Variants in PPIH observed in about 807,000 individuals in gnomAD.
PPIH encodes the protein peptidylprolyl isomerase H.
A neutral mutation model predicts 27.6 loss-of-function variants in PPIH; 16 were observed. That is an observed-to-expected ratio of 0.58 (90% CI 0.39 to 0.88). The LOEUF (loss-of-function observed/expected upper bound fraction) is 0.88. Ranked by LOEUF, PPIH falls within the 40% of genes least tolerant of loss-of-function variation. PPIH has a pLI of 0.00. For synonymous variants in PPIH, 63 were observed against 76.1 expected (o/e 0.83, Z 0.90); for missense variants, 155 against 224.1 (o/e 0.69, Z 1.97).
At chr1:42,679,480 G>C (rs545257169), downstream of PPIH, among the ~76,000 whole-genome samples, 1 of 152,236 alleles carries the variant, frequency 6.6e-6, no homozygotes, top group Non-Finnish European at 1.5e-5. Context: ...ACCGTGCCTG[G>C]CTGCAAACTA....
At position 42,665,810 on chromosome 1, in the gene PPIH, C is replaced by A. The variant is rs116578528; in HGVS notation, c.337-170C>A. Among the ~76,000 whole-genome samples, 1,411 of 152,166 alleles carry A rather than the reference C, an allele frequency of 9.3e-3. 9 individuals carry two copies. Among genetic ancestry groups the A allele is most frequent in the Non-Finnish European group, 0.015 (1,000 of 67,986 alleles). ...AGGCTGCAGTGAGCCATATCCTGTT[C>A]ATCTCTGTATCCTTGGATCCTAGCT... On this transcript the variant is annotated intron_variant, in intron 6 of 9. Transcript: ENST00000304979.
At chr1:42,678,932 G>C (rs949933510), downstream of PPIH, 1 of 152,222 alleles carries the variant, frequency 6.6e-6, no homozygotes, top group Non-Finnish European at 1.5e-5. Context: ...CTAGGAAGAG[G>C]GAACTGTGTT....
At chr1:42,668,054 T>C (rs1014066649) in intron 9 of PPIH, among the ~76,000 whole-genome samples, 2 of 152,224 alleles carry the variant, frequency 1.3e-5, no homozygotes, top group East Asian at 1.9e-4. Context: ...CAGGAGCTCA[T>C]GGAAAGTAAG....
chr1:42,659,090 T>C, intron 2 of PPIH, 138 bp from the exon 3 acceptor site: 2 of 1,416,838 alleles, frequency 1.4e-6, no homozygotes, highest in Non-Finnish European at 9.8e-7. Context: ...GTTGTTAGTC[T>C]GTGTGACTGC....
At chr1:42,663,803 A>T (rs2148713659) in intron 5 of PPIH, among the ~76,000 whole-genome samples, 1 of 152,308 alleles carries the variant, frequency 6.6e-6, no homozygotes, top group African/African-American at 2.4e-5. Context: ...TATTAATGGT[A>T]GTTCTTTTCC....
chr1:42,681,475 G>T (rs1455856362), downstream of PPIH: 1 of 152,148 alleles, frequency 6.6e-6, no homozygotes, highest in Non-Finnish European at 1.5e-5. Flanking sequence ...CCAGCCGATA[G>T]TAGACGCTTA....
chr1:42,675,627 T>G (rs1399729226), intron 9 of PPIH, among the ~76,000 whole-genome samples: 3 of 152,204 alleles, frequency 2.0e-5, no homozygotes, highest in Non-Finnish European at 1.5e-5. Flanking sequence ...GTGCCTGCAG[T>G]ACGATGCCAG....
At chr1:42,662,013 G>A (rs1238280768) in intron 5 of PPIH, among the ~76,000 whole-genome samples, 2 of 152,146 alleles carry the variant, frequency 1.3e-5, no homozygotes, top group African/African-American at 4.8e-5. Context: ...CCTTATTTAC[G>A]TTGCCTGCTC....
At chr1:42,665,459 T>C (rs1181950914) in intron 6 of PPIH, among the ~76,000 whole-genome samples, 1 of 152,144 alleles carries the variant, frequency 6.6e-6, no homozygotes, top group Non-Finnish European at 1.5e-5. Flanking sequence ...ACTAGCAGGC[T>C]AGCAGGCTGG....
intron 9 of PPIH, among the ~76,000 whole-genome samples, chr1:42,669,995 C>A (rs1486214336): frequency 6.6e-6 from 1 of 152,158 alleles, no homozygotes; most frequent in African/African-American, 2.4e-5. Flanking sequence ...TACAACACAC[C>A]TTTATCTGTG....
At chr1:42,662,895 T>C (rs1649119829) in intron 5 of PPIH, among the ~76,000 whole-genome samples, 1 of 152,242 alleles carries the variant, frequency 6.6e-6, no homozygotes, top group South Asian at 2.1e-4. Flanking sequence ...TTGTACTTCA[T>C]AATTGTCCAT....
At chr1:42,673,556 T>C (rs1649747447) in intron 9 of PPIH, among the ~76,000 whole-genome samples, 1 of 152,204 alleles carries the variant, frequency 6.6e-6, no homozygotes, top group Non-Finnish European at 1.5e-5. Flanking sequence ...CAGGTAATAA[T>C]CATTTTGGGG....
chr1:42,660,125 G>C (rs2148709089), intron 4 of PPIH, among the ~76,000 whole-genome samples: 1 of 152,326 alleles, frequency 6.6e-6, no homozygotes, highest in South Asian at 2.1e-4. Flanking sequence ...GGAAACTGAG[G>C]ATAAGAAAGG....
intron 9 of PPIH, among the ~76,000 whole-genome samples, chr1:42,671,923 G>T (rs1305768439): frequency 1.4e-5 from 2 of 146,598 alleles, no homozygotes; most frequent in Non-Finnish European, 3.0e-5. Flanking sequence ...TTGCTCTGTC[G>T]CCCAGGCTAG....
intron 4 of PPIH, 57 bp downstream of exon 4, chr1:42,659,623 G>C (rs910792725): frequency 2.5e-6 from 4 of 1,574,106 alleles, no homozygotes; most frequent in Non-Finnish European, 1.7e-6. Context: ...TGGGGGATTA[G>C]GCTCTTTAGA....
downstream of PPIH, among the ~76,000 whole-genome samples, chr1:42,678,547 A>G (rs895600548): frequency 6.6e-6 from 1 of 152,150 alleles, no homozygotes; most frequent in Non-Finnish European, 1.5e-5. Context: ...CTACAGGCAC[A>G]TGCCACCGTG....
intron 4 of PPIH, 108 bp from the exon 5 acceptor site, chr1:42,660,754 A>G: frequency 1.0e-6 from 1 of 996,530 alleles, no homozygotes; most frequent in East Asian, 2.6e-5. Flanking sequence ...TATAATAGCC[A>G]AAGTGATAGT....
chr1:42,677,128 G>A (rs1649915233), downstream of PPIH, among the ~76,000 whole-genome samples: 1 of 143,860 alleles, frequency 7.0e-6, no homozygotes, highest in Admixed American at 6.7e-5. Context: ...AGTCAAATAA[G>A]AGAGTGGATA....
At chr1:42,680,027 T>C (rs979246475), downstream of PPIH, among the ~76,000 whole-genome samples, 6 of 152,210 alleles carry the variant, frequency 3.9e-5, no homozygotes, top group Non-Finnish European at 8.8e-5. Flanking sequence ...GAAGTCACAG[T>C]CTGGTGGGGA....
Sources: gnomAD v4.1 joint callset for allele counts (sites outside exome capture counted in the v4.1 genomes callset) on GRCh38, gnomAD v4.1.1 for gene constraint, MANE v1.5 for transcripts, NCBI Gene and HGNC (gene_info 2026-07-23, HGNC 2026-07-21) for gene names.